The following HINFP variants were observed in gnomAD, a reference collection of about 807,000 sequenced individuals.
The protein encoded by HINFP is MBD2 (methyl-CpG-binding protein)-interacting zinc finger protein.
Under a neutral mutation model 50.1 loss-of-function variants are expected in HINFP, and 20 were observed. The ratio of observed to expected loss-of-function variants is 0.40; its 90% CI spans 0.28 to 0.58. The LOEUF is 0.58. Among genes scored for constraint, HINFP ranks in the 20% least tolerant of loss-of-function variants. The probability of loss-of-function intolerance (pLI) is 0.45; values close to 1 mark genes in which losing one functional copy is unlikely to be tolerated. For missense variants in HINFP, 505 were observed against 664.1 expected (o/e 0.76, Z 2.63); for synonymous variants, 247 against 243.7 (o/e 1.01, Z -0.13).
At chr11:119,128,641 A>G (rs1278911079) in intron 2 of HINFP, among the ~76,000 whole-genome samples, 1 of 151,788 alleles carries the variant, frequency 6.6e-6, no homozygotes, top group South Asian at 2.1e-4. Context: ...ACTTTTTTAA[A>G]CCTACATTAA....
At chr11:119,130,629 A>C in intron 2 of HINFP, 96 bp from the exon 3 acceptor site, 2 of 1,074,066 alleles carry the variant, frequency 1.9e-6, no homozygotes, top group Non-Finnish European at 2.8e-6. Flanking sequence ...CCTCCTCACG[A>C]GTCCAGCCTC....
chr11:119,132,370 C>T, intron 5 of HINFP, 126 bp from the exon 6 acceptor site: 1 of 865,948 alleles, frequency 1.2e-6, no homozygotes, highest in South Asian at 1.6e-5. Context: ...TGTGTCCATT[C>T]ATAGCTCCCT....
rs1233089944 is a variant in HINFP, at chr11:119,135,813, G to A, written c.*1315G>A. 1 of 152,134 alleles carries A rather than the reference G, an allele frequency of 6.6e-6. No individual in the cohort carries two copies. Among genetic ancestry groups the A allele is most frequent in the African/African-American group, 2.4e-5 (1 of 41,420 alleles). 9.4% of individuals were successfully genotyped at this position (152,134 alleles called of 1,614,324 possible). On this transcript the variant is annotated 3_prime_UTR_variant, in exon 10 of 10. Transcript: ENST00000350777. ...GGAGGCTGAGGCGGGCGGATCACAA[G>A]GTCAAGAGATGGAGACCATCCTGGC...
At chr11:119,127,788 A>G (rs534418458) in intron 2 of HINFP, among the ~76,000 whole-genome samples, 64 of 150,934 alleles carry the variant, frequency 4.2e-4, no homozygotes, top group Admixed American at 1.1e-3. Flanking sequence ...CAATCCTCCT[A>G]CCTTAGCCTC....
At chr11:119,123,548 C>CTT (rs11342595) in intron 1 of HINFP, among the ~76,000 whole-genome samples, 1 of 138,820 alleles carries the variant, frequency 7.2e-6, no homozygotes. Context: ...TTTCTTTCTT[C>CTT]TTTTTTTTTT....
intron 5 of HINFP, 123 bp downstream of exon 5, chr11:119,132,105 T>C: frequency 1.0e-6 from 1 of 1,003,366 alleles, no homozygotes; most frequent in Non-Finnish European, 1.5e-6. Context: ...CTTTTTGGGC[T>C]CAGGCACCTC....
At position 119,131,083 on chromosome 11, in the gene HINFP, C is replaced by T. The variant is rs774607069; in HGVS notation, c.411+129C>T. On this transcript the variant is annotated intron_variant, in intron 3 of 9. Transcript: ENST00000350777. The surrounding 1 kb of genome is among the most constrained non-coding windows in gnomAD (Gnocchi z 4.2). ...GTATCTCTCTTCCATTTCTTTTGCT[C>T]TTTTAAAATTTGTTTATTTTTTACA... 7.1e-6 allele frequency: 6 copies of T among 850,762 alleles called. No individual in the cohort carries two copies. Among genetic ancestry groups the T allele is most frequent in the Non-Finnish European group, 1.2e-5 (6 of 513,616 alleles). The allele number at this position is 850,762 out of a possible 1,614,324, so 52.7% of individuals were successfully genotyped here.
chr11:119,130,325 T>C (rs560763011), intron 2 of HINFP: 108 of 237,882 alleles, frequency 4.5e-4, no homozygotes, highest in Non-Finnish European at 8.2e-4. Flanking sequence ...TCATCCATCG[T>C]ACTTCAGAGT....
intron 5 of HINFP, 137 bp downstream of exon 5, chr11:119,132,119 T>C (rs1947795258): frequency 1.1e-6 from 1 of 870,056 alleles, no homozygotes; most frequent in Non-Finnish European, 1.8e-6. Context: ...GCACCTCCCA[T>C]AGTCTCTTTG....
In HINFP at chr11:119,135,845, G is replaced by A. The variant is rs529266735; in HGVS notation, c.*1347G>A. ...AGATGGAGACCATCCTGGCCAACAT[G>A]GTGAAACCCCGTCTCTACTAAAAAT... On this transcript the variant is annotated 3_prime_UTR_variant, in exon 10 of 10. Transcript: ENST00000350777. The A allele has an allele frequency of 6.6e-6, 1 of 152,268 alleles. No individual in the cohort carries two copies. Among genetic ancestry groups the A allele is most frequent in the South Asian group, 2.1e-4 (1 of 4,816 alleles). 9.4% of individuals were successfully genotyped at this position (152,268 alleles called of 1,614,324 possible).
rs1947887203 is a variant in HINFP at position 119,133,335 on chromosome 11, C to G, written c.1139+116C>G. 6.9e-6 allele frequency: 9 copies of G among 1,304,712 alleles called. No homozygotes were observed. In the East Asian group the frequency reaches 2.1e-4, roughly 31 times the overall value. 80.8% of individuals were successfully genotyped at this position (1,304,712 alleles called of 1,614,324 possible). On this transcript the variant is annotated intron_variant, in intron 9 of 9. Coordinates refer to ENST00000350777, the MANE Select transcript of HINFP (RefSeq NM_198971.3). ...GTGGCTCACGCCTGTAATCCCAGCA[C>G]TTTGGGAGGCCAAGGTGGGCGGATC...
Position 119,125,037 on chromosome 11 carries a change from T to TG in HINFP, c.-10-1898_-10-1897insG, listed in dbSNP as rs1565788267. ...TTTTTGTTTGTGTGTGTGTGTGTGT[T>TG]TTTTTTTTTTTTTTTTTTTGAGACA... On this transcript the variant is annotated intron_variant, in intron 1 of 9. Transcript: ENST00000350777. 191 of 38,562 alleles carry TG rather than the reference T, an allele frequency of 5.0e-3. No homozygotes were observed. The Middle Eastern group carries it at 0.054, about 11-fold the overall frequency. 2.4% of individuals were successfully genotyped at this position (38,562 alleles called of 1,614,324 possible).
intron 1 of HINFP, chr11:119,126,110 T>C (rs997237716): frequency 6.6e-6 from 1 of 152,120 alleles, no homozygotes; most frequent in Non-Finnish European, 1.5e-5. Context: ...CCCAGCACTT[T>C]GGGAAGCCAA....
chr11:119,128,098 C>A (rs1002489002), intron 2 of HINFP, among the ~76,000 whole-genome samples: 3 of 152,134 alleles, frequency 2.0e-5, no homozygotes, highest in Non-Finnish European at 4.4e-5. Flanking sequence ...ATGATCCGCC[C>A]ACCTCGGCCT....
chr11:119,131,084 T>A lies in HINFP; in HGVS notation c.411+130T>A, dbSNP rs927340247. 1.1e-5 allele frequency: 9 copies of A among 845,766 alleles called. No individual in the cohort carries two copies. In the Admixed American group the frequency reaches 1.4e-4, roughly 13 times the overall value. The allele number at this position is 845,766 out of a possible 1,614,324, so 52.4% of individuals were successfully genotyped here. On this transcript the variant is annotated intron_variant, in intron 3 of 9. Coordinates refer to ENST00000350777, the MANE Select transcript of HINFP (RefSeq NM_198971.3). The surrounding 1 kb of genome is among the most constrained non-coding windows in gnomAD (Gnocchi z 4.2). ...TATCTCTCTTCCATTTCTTTTGCTC[T>A]TTTAAAATTTGTTTATTTTTTACAC...
In HINFP at chr11:119,131,878, G is replaced by A. The variant is rs1461462640; in HGVS notation, c.572G>A (p.Arg191His). ...CGCAGTAAACTTCGAGAGCACCTCCGCAGCCATACCCAGGAGAAAGTGGTA... is the reference window on the plus strand; with the variant it reads ...CGCAGTAAACTTCGAGAGCACCTCCACAGCCATACCCAGGAGAAAGTGGTA... Reference protein sequence around the residue: ...KDRSKLREHLRSHTQEKVVAC... With the variant: ...KDRSKLREHLHSHTQEKVVAC... The change falls in exon 5 of 10, where the codon CGC (arginine) becomes CAC (histidine). Residue 191 changes from arginine to histidine, a missense_variant. Transcript: ENST00000350777. This position sits in a 1 kb window ranked among gnomAD's most constrained non-coding sequence, Gnocchi z 4.2. The A allele has an allele frequency of 3.7e-6, 6 of 1,614,028 alleles. No individual in the cohort carries two copies. Among genetic ancestry groups the A allele is most frequent in the Admixed American group, 1.7e-5 (1 of 59,998 alleles).
chr11:119,121,617 A>T lies in HINFP; in HGVS notation c.-33A>T, dbSNP rs1284578683. 1 of 152,318 alleles carries T rather than the reference A, an allele frequency of 6.6e-6. No individual in the cohort carries two copies. The highest frequency in any genetic ancestry group is 1.9e-4 in the East Asian group (1 of 5,192). The allele number at this position is 152,318 out of a possible 1,614,324, so 9.4% of individuals were successfully genotyped here. ...ATGGTCTGAGGTGGGAGAAGAGCTG[A>T]AGAGACCTGGAGCCGACAGACGGTA... On this transcript the variant is annotated 5_prime_UTR_variant, in exon 1 of 10. Transcript: ENST00000350777.
rs1371888081 is a variant in HINFP, at chr11:119,132,917, C to T, written c.929C>T (p.Pro310Leu). The T allele has an allele frequency of 6.2e-7, 1 of 1,614,254 alleles. No individual in the cohort carries two copies. Reference protein sequence around the residue: ...QKHLDTHSEEPAYRCDFENCT... With the variant: ...QKHLDTHSEELAYRCDFENCT... Reference sequence around the variant, plus strand: ...CACCTGGATACCCACAGCGAGGAGCCAGCCTACAGGTGTGATTTTGAGAAC... The same window carrying T: ...CACCTGGATACCCACAGCGAGGAGCTAGCCTACAGGTGTGATTTTGAGAAC... The change falls in exon 8 of 10, where the codon CCA (proline) becomes CTA (leucine). Residue 310 changes from proline to leucine, a missense_variant. Transcript: ENST00000350777.
In HINFP at chr11:119,134,319, A is replaced by T. The variant is rs774760776; in HGVS notation, c.1375A>T (p.Asn459Tyr). ...EGTALSASQD[N>Y]PSSVIHVVNQ... Reference sequence around the variant, plus strand: ...GACAGCCCTCTCAGCCTCTCAGGACAACCCCAGTTCTGTCATCCACGTGGT... The same window carrying T: ...GACAGCCCTCTCAGCCTCTCAGGACTACCCCAGTTCTGTCATCCACGTGGT... Residue 459 changes from asparagine to tyrosine, a missense_variant, in exon 10 of 10, where the codon AAC becomes TAC. Asn to Tyr is a moderately radical substitution (Grantham distance 143). Coordinates refer to ENST00000350777, the MANE Select transcript of HINFP (RefSeq NM_198971.3). This position sits in a 1 kb window ranked among gnomAD's most constrained non-coding sequence, Gnocchi z 4.3. 29 of 1,614,178 alleles carry T rather than the reference A, an allele frequency of 1.8e-5. No individual in the cohort carries two copies. The South Asian group carries it at 3.2e-4, about 18-fold the overall frequency.
Sources: allele counts gnomAD v4.1 joint callset (sites outside exome capture counted in the v4.1 genomes callset), GRCh38; gene constraint gnomAD v4.1.1; non-coding constraint Gnocchi (gnomAD v3.1); transcripts MANE v1.5; gene names NCBI Gene and HGNC (gene_info 2026-07-23, HGNC 2026-07-21).